CIMIP2C: variants seen among roughly 807,000 people sequenced by gnomAD.
The protein encoded by CIMIP2C is UPF0573 protein C2orf70.
At chr2:26,567,484 G>A in the CIMIP2C span, among the ~76,000 whole-genome samples, 2 of 152,232 alleles carry the variant, frequency 1.3e-5, no homozygotes, top group South Asian at 2.1e-4. Flanking sequence ...TACCCAGTTT[G>A]GGGCAGTTCT....
the CIMIP2C span, among the ~76,000 whole-genome samples, chr2:26,571,906 G>A: frequency 6.8e-6 from 1 of 146,586 alleles, no homozygotes; most frequent in African/African-American, 2.5e-5. Flanking sequence ...AAAATGAAAA[G>A]CATGAAATTG....
the CIMIP2C span, among the ~76,000 whole-genome samples, chr2:26,577,269 T>C: frequency 1.3e-5 from 2 of 152,214 alleles, no homozygotes; most frequent in African/African-American, 4.8e-5. Context: ...TCTTGTTTAC[T>C]CTCCATAGCA....
the CIMIP2C span, among the ~76,000 whole-genome samples, chr2:26,573,100 A>G: frequency 1.3e-5 from 2 of 152,240 alleles, no homozygotes; most frequent in Non-Finnish European, 2.9e-5. Context: ...GGATTTGGCA[A>G]CAGCAGGACC....
chr2:26,569,054 T>C, the CIMIP2C span, among the ~76,000 whole-genome samples: 9 of 149,858 alleles, frequency 6.0e-5, no homozygotes, highest in African/African-American at 2.0e-4. Flanking sequence ...AAAAACAATA[T>C]GAACTGAGAC....
At chr2:26,568,494 T>A in the CIMIP2C span, among the ~76,000 whole-genome samples, 7 of 152,218 alleles carry the variant, frequency 4.6e-5, no homozygotes, top group African/African-American at 4.8e-5. Flanking sequence ...GAACAGGTGA[T>A]CAGGGGCTCC....
the CIMIP2C span, chr2:26,579,290 CT>C: frequency 6.2e-7 from 1 of 1,613,976 alleles, no homozygotes; most frequent in Non-Finnish European, 8.5e-7. Flanking sequence ...ATCCTCACCC[CT>C]AGGCCTCCTC....
At chr2:26,579,483 G>T in the CIMIP2C span, 1 of 1,598,034 alleles carries the variant, frequency 6.3e-7, no homozygotes, top group Non-Finnish European at 8.5e-7. Flanking sequence ...ATCCTGGGTC[G>T]TGACCAGCCT....
the CIMIP2C span, among the ~76,000 whole-genome samples, chr2:26,573,026 T>A: frequency 1.3e-5 from 2 of 152,366 alleles, no homozygotes; most frequent in East Asian, 3.9e-4. Context: ...GGTTAGGTTT[T>A]TTCCCAAACA....
At chr2:26,563,037 C>G in the CIMIP2C span, 1 of 291,550 alleles carries the variant, frequency 3.4e-6, no homozygotes, top group Non-Finnish European at 6.4e-6. Context: ...CAGCCTCCAG[C>G]GCTTAGAGAA....
chr2:26,564,638 C>T, the CIMIP2C span, among the ~76,000 whole-genome samples: 1 of 152,190 alleles, frequency 6.6e-6, no homozygotes, highest in Non-Finnish European at 1.5e-5. Context: ...GTTGGCAATT[C>T]TGTTAACTTA....
the CIMIP2C span, among the ~76,000 whole-genome samples, chr2:26,573,893 G>C: frequency 6.6e-6 from 1 of 152,254 alleles, no homozygotes; most frequent in African/African-American, 2.4e-5. Context: ...CAACTGTTGA[G>C]GGTGGTGGGA....
At chr2:26,577,520 T>A in the CIMIP2C span, 1 of 1,613,762 alleles carries the variant, frequency 6.2e-7, no homozygotes, top group South Asian at 1.1e-5. Flanking sequence ...CCATAGATGG[T>A]CCAGCAGCAT....
chr2:26,569,668 C>T, the CIMIP2C span, among the ~76,000 whole-genome samples: 1 of 152,130 alleles, frequency 6.6e-6, no homozygotes, highest in Non-Finnish European at 1.5e-5. Context: ...CACAGTAACC[C>T]ACAGTGGGCC....
the CIMIP2C span, among the ~76,000 whole-genome samples, chr2:26,565,032 T>C: frequency 1.5e-5 from 2 of 133,524 alleles, no homozygotes; most frequent in Non-Finnish European, 3.5e-5. Context: ...TTCTTCTTCT[T>C]CTCCTTCTCC....
chr2:26,567,722 G>C, the CIMIP2C span, among the ~76,000 whole-genome samples: 1 of 152,208 alleles, frequency 6.6e-6, no homozygotes, highest in African/African-American at 2.4e-5. Context: ...CCCAGGAGGA[G>C]GTAGGGGACC....
chr2:26,569,741 G>A, the CIMIP2C span, among the ~76,000 whole-genome samples: 1 of 152,114 alleles, frequency 6.6e-6, no homozygotes, highest in Non-Finnish European at 1.5e-5. Flanking sequence ...GGCTTATGTG[G>A]TGTACAGATG....
At chr2:26,574,807 T>G in the CIMIP2C span, among the ~76,000 whole-genome samples, 1 of 152,228 alleles carries the variant, frequency 6.6e-6, no homozygotes, top group Admixed American at 6.5e-5. Context: ...TGATGCCCTG[T>G]GCTACTGGAA....
At chr2:26,563,859 A>C in the CIMIP2C span, among the ~76,000 whole-genome samples, 1 of 152,204 alleles carries the variant, frequency 6.6e-6, no homozygotes, top group South Asian at 2.1e-4. Flanking sequence ...CTGTAGTTTT[A>C]ACCTAGCCCA....
the CIMIP2C span, among the ~76,000 whole-genome samples, chr2:26,570,428 C>G: frequency 1.3e-5 from 2 of 152,350 alleles, no homozygotes; most frequent in African/African-American, 4.8e-5. Flanking sequence ...TTGTTGAGCA[C>G]TTGTCATGTG....
Sources: gnomAD v4.1 joint callset for allele counts (sites outside exome capture counted in the v4.1 genomes callset) on GRCh38, gnomAD v4.1.1 for gene constraint, MANE v1.5 for transcripts, NCBI Gene and HGNC (gene_info 2026-07-23, HGNC 2026-07-21) for gene names.